The following NAV2 variants were observed in gnomAD, a reference collection of about 807,000 sequenced individuals.
The protein encoded by NAV2 is helicase, APC down-regulated 1.
A neutral mutation model predicts 223.2 loss-of-function variants in NAV2; 54 were observed. That is an observed-to-expected ratio of 0.24 (90% CI 0.19 to 0.30). The LOEUF (loss-of-function observed/expected upper bound fraction) is 0.30. NAV2 is among the 10% of genes least tolerant of loss of function. The pLI is 1.00. For synonymous variants in NAV2, 1,279 were observed against 1,239.3 expected (o/e 1.03, Z -0.67); for missense variants, 2,806 against 3,147.5 (o/e 0.89, Z 2.60).
chr11:20,015,748 A>G (rs1002951123), intron 11 of NAV2, among the ~76,000 whole-genome samples: 1 of 152,196 alleles, frequency 6.6e-6, no homozygotes, highest in Non-Finnish European at 1.5e-5. Flanking sequence ...GAGAACAATC[A>G]CTGCAAATAT....
At position 19,892,616 on chromosome 11, in the gene NAV2, C is replaced by A. The variant is rs763310161; in HGVS notation, c.931+22C>A. On this transcript the variant is annotated intron_variant, in intron 6 of 37. Transcript: ENST00000349880. The stretch of plus-strand genomic sequence containing the variant: ...AAAGGTGAGTCACCTTCTTGAGGAG[C>A]CTTTTTGGTATTTTCCTTCAGAGCA... 3.3e-5 allele frequency: 53 copies of A among 1,609,860 alleles called. No individual in the cohort carries two copies. In the Middle Eastern group the frequency reaches 5.0e-4, roughly 15 times the overall value.
intron 6 of NAV2, among the ~76,000 whole-genome samples, chr11:19,905,573 T>C (rs985844315): frequency 2.0e-5 from 3 of 152,234 alleles, no homozygotes; most frequent in Non-Finnish European, 4.4e-5. Flanking sequence ...TCATTCAGTC[T>C]GTCCTATTGT....
intron 1 of NAV2, among the ~76,000 whole-genome samples, chr11:19,560,157 A>C (rs1371217740): frequency 6.6e-6 from 1 of 152,020 alleles, no homozygotes; most frequent in Non-Finnish European, 1.5e-5. Flanking sequence ...AAAAGAGACT[A>C]TTTTCTTGAT....
At chr11:19,879,784 A>G in intron 4 of NAV2, 85 bp from the exon 5 acceptor site, 1 of 1,521,914 alleles carries the variant, frequency 6.6e-7, no homozygotes, top group Non-Finnish European at 9.0e-7. Flanking sequence ...TCCTAAAGAA[A>G]TCAAACTCAC....
chr11:19,962,393 A>G (rs1359592662), intron 10 of NAV2, among the ~76,000 whole-genome samples: 5 of 152,130 alleles, frequency 3.3e-5, no homozygotes, highest in African/African-American at 1.2e-4. Context: ...ATTGTGGCCC[A>G]GCCAAGTTGA....
chr11:19,418,574 C>A (rs1043750939), intron 1 of NAV2, among the ~76,000 whole-genome samples: 1 of 152,154 alleles, frequency 6.6e-6, no homozygotes, highest in East Asian at 1.9e-4. Context: ...ATCTTACCAG[C>A]ATATGATGGT....
At chr11:19,774,653 C>G (rs558116016) in intron 1 of NAV2, among the ~76,000 whole-genome samples, 1 of 152,286 alleles carries the variant, frequency 6.6e-6, no homozygotes, top group African/African-American at 2.4e-5. Context: ...GGAATCCTCC[C>G]TGATTCTCAA....
At chr11:19,462,091 G>A (rs947271109) in intron 1 of NAV2, among the ~76,000 whole-genome samples, 4 of 152,174 alleles carry the variant, frequency 2.6e-5, no homozygotes, top group African/African-American at 9.7e-5. Flanking sequence ...TCATAGATGT[G>A]AGCCACCGCA....
chr11:19,905,865 C>T (rs555666218), intron 6 of NAV2, among the ~76,000 whole-genome samples: 20 of 152,298 alleles, frequency 1.3e-4, no homozygotes, highest in African/African-American at 4.3e-4. Context: ...AAACCTGTTA[C>T]TGCCTAGGAA....
At chr11:19,674,378 A>G (rs2048658441) in intron 1 of NAV2, among the ~76,000 whole-genome samples, 1 of 152,070 alleles carries the variant, frequency 6.6e-6, no homozygotes, top group Non-Finnish European at 1.5e-5. Context: ...CCAGAGGGCC[A>G]CTCTTGACAG....
chr11:20,107,057 ATTTTTTTTTTTTTTTT>A (rs10590815), intron 35 of NAV2, among the ~76,000 whole-genome samples: 7 of 27,228 alleles, frequency 2.6e-4, no homozygotes, highest in Admixed American at 6.2e-4. Context: ...ATGGGCTTCC[ATTTTTTTTTTTTTTTT>A]TTTTTTTTTT....
At chr11:20,112,770 C>G (rs925177565) in intron 36 of NAV2, among the ~76,000 whole-genome samples, 1 of 152,182 alleles carries the variant, frequency 6.6e-6, no homozygotes, top group Non-Finnish European at 1.5e-5. Context: ...CCTTTCTCAG[C>G]GGGCTCTGCT....
chr11:19,937,125 G>A (rs201282196), intron 7 of NAV2, among the ~76,000 whole-genome samples: 4 of 152,092 alleles, frequency 2.6e-5, no homozygotes, highest in Admixed American at 6.5e-5. Flanking sequence ...GCAACAGAAC[G>A]AGACTGTCTC....
intron 5 of NAV2, among the ~76,000 whole-genome samples, chr11:19,882,618 G>A (rs74697094): frequency 0.011 from 1,640 of 152,274 alleles, 29 homozygotes; most frequent in African/African-American, 0.037. Context: ...CATGGTAGGC[G>A]TTTGTTTTCT....
chr11:19,400,604 A>G (rs1019525915), intron 1 of NAV2, among the ~76,000 whole-genome samples: 2 of 152,182 alleles, frequency 1.3e-5, no homozygotes, highest in Admixed American at 6.5e-5. Flanking sequence ...CCTTAAATGT[A>G]GAATAGGGAT....
At chr11:19,700,756 CAT>C (rs1375042744) in intron 1 of NAV2, among the ~76,000 whole-genome samples, 1 of 152,338 alleles carries the variant, frequency 6.6e-6, no homozygotes, top group African/African-American at 2.4e-5. Context: ...TACCTGCTAA[CAT>C]AGCACTTGCC....
chr11:19,422,663 G>A (rs1850666764), intron 1 of NAV2, among the ~76,000 whole-genome samples: 1 of 152,216 alleles, frequency 6.6e-6, no homozygotes, highest in Non-Finnish European at 1.5e-5. Flanking sequence ...AGCCTGTTCT[G>A]CATGGCAACA....
rs147362435 is a variant in NAV2 at position 19,431,123 on chromosome 11, C to T, written c.75+80096C>T. Among the ~76,000 whole-genome samples, 796 of 152,360 alleles carry T rather than the reference C, an allele frequency of 5.2e-3. 4 individuals are homozygous for T. Among genetic ancestry groups the T allele is most frequent in the African/African-American group, 0.018 (765 of 41,596 alleles). On this transcript the variant is annotated intron_variant, in intron 1 of 37. Transcript: ENST00000360655. Reference sequence around the variant, plus strand: ...CTCATCCCTGCCTGGAAGCTGCCCACAGCTAGTTTCCACTGCTGTCCCTCA... The same window carrying T: ...CTCATCCCTGCCTGGAAGCTGCCCATAGCTAGTTTCCACTGCTGTCCCTCA...
chr11:19,545,765 G>GTTT (rs11424102), intron 1 of NAV2, among the ~76,000 whole-genome samples: 1 of 150,572 alleles, frequency 6.6e-6, no homozygotes, highest in African/African-American at 2.5e-5. Context: ...TTTTTTGCAG[G>GTTT]TTTTTTTTTA....
Sources: allele counts gnomAD v4.1 joint callset (sites outside exome capture counted in the v4.1 genomes callset), GRCh38; gene constraint gnomAD v4.1.1; transcripts MANE v1.5; gene names NCBI Gene and HGNC (gene_info 2026-07-23, HGNC 2026-07-21).